Variants in CTNNA2 observed in about 807,000 individuals in gnomAD.
The protein encoded by CTNNA2 is catenin alpha-2.
Under a neutral mutation model 101.0 loss-of-function variants are expected in CTNNA2, and 42 were observed. The observed-to-expected ratio is 0.42, with a 90% CI of 0.32 to 0.54. The LOEUF (loss-of-function observed/expected upper bound fraction) is 0.54. Ranked by LOEUF, CTNNA2 falls within the 20% of genes least tolerant of loss-of-function variation. The pLI, the probability that CTNNA2 is intolerant of heterozygous loss-of-function variation, is 0.14. For missense variants in CTNNA2, 871 were observed against 1,223.1 expected (o/e 0.71, Z 4.29); for synonymous variants, 450 against 456.4 (o/e 0.99, Z 0.18).
In CTNNA2 at chr2:79,529,295, G is replaced by T. The variant is rs1348898340; in HGVS notation, c.-6+16088G>T. 2.0e-5 allele frequency among the ~76,000 whole-genome samples: 3 copies of T among 152,140 alleles called. No individual in the cohort carries two copies. In the East Asian group the frequency reaches 5.8e-4, roughly 29 times the overall value. ...TCTGAATGTGAGATTCAGGACAAAG[G>T]CAAAGACAAGGCTAACCGTGAACGT... On this transcript the variant is annotated intron_variant, in intron 1 of 18. Coordinates refer to ENST00000402739, the MANE Select transcript of CTNNA2 (RefSeq NM_001282597.3).
rs76112891 is a variant in CTNNA2 at position 79,322,429 on chromosome 2, G to T, written c.-318+9633G>T. 2.6e-3 allele frequency among the ~76,000 whole-genome samples: 391 copies of T among 152,286 alleles called. 9 individuals carry two copies. In the East Asian group the frequency reaches 0.062, roughly 24 times the overall value. On this transcript the variant is annotated intron_variant, in intron 3 of 21. Transcript: ENST00000466387. ...TATTAGCAAGGAACCATTTGGAAAG[G>T]ATTTTTCCTGAATACTTTCTCACAT...
At chr2:79,215,596 G>A (rs1033345352) in intron 2 of CTNNA2, among the ~76,000 whole-genome samples, 2 of 152,132 alleles carry the variant, frequency 1.3e-5, no homozygotes, top group African/African-American at 2.4e-5. Context: ...GTCTAGGGCT[G>A]TAAAGTGTCT....
intron 4 of CTNNA2, among the ~76,000 whole-genome samples, chr2:79,376,055 G>A (rs938738817): frequency 6.6e-6 from 1 of 152,176 alleles, no homozygotes. Flanking sequence ...GAAGTCATAA[G>A]GGATAGTCAA....
intron 7 of CTNNA2, among the ~76,000 whole-genome samples, chr2:80,079,121 G>A (rs1337712449): frequency 2.0e-5 from 3 of 152,140 alleles, no homozygotes; most frequent in African/African-American, 4.8e-5. Context: ...GCTAGCTGGC[G>A]TGATGGATTG....
chr2:79,571,440 A>G (rs1333375923), intron 1 of CTNNA2, among the ~76,000 whole-genome samples: 3 of 152,176 alleles, frequency 2.0e-5, no homozygotes, highest in Non-Finnish European at 4.4e-5. Flanking sequence ...GACAGGGAGC[A>G]TCCTAAGTCC....
intron 7 of CTNNA2, among the ~76,000 whole-genome samples, chr2:79,958,535 G>T (rs1336326821): frequency 2.6e-5 from 4 of 152,132 alleles, no homozygotes; most frequent in African/African-American, 9.7e-5. Context: ...CATGAGCCAA[G>T]AAATGTTAGA....
intron 1 of CTNNA2, among the ~76,000 whole-genome samples, chr2:79,574,617 A>T (rs1418518493): frequency 6.6e-6 from 1 of 152,102 alleles, no homozygotes; most frequent in African/African-American, 2.4e-5. Context: ...CCAGTCTGTC[A>T]TTGGTGGGCA....
chr2:80,262,831 A>G lies in CTNNA2; in HGVS notation c.1057-130380A>G, dbSNP rs190268174. The stretch of plus-strand genomic sequence containing the variant: ...ACATGTCCTCAGCTTCCATCTCCAG[A>G]AGGTTCTTAAGAACTAAAAATCAGG... On this transcript the variant is annotated intron_variant, in intron 7 of 18. Coordinates refer to ENST00000402739, the MANE Select transcript of CTNNA2 (RefSeq NM_001282597.3). Among the ~76,000 whole-genome samples the G allele has an allele frequency of 1.4e-3, 211 of 152,268 alleles. 1 individual carries two copies. The highest frequency in any genetic ancestry group is 4.8e-3 in the African/African-American group (200 of 41,542).
intron 9 of CTNNA2, among the ~76,000 whole-genome samples, chr2:80,525,903 T>C (rs1219680697): frequency 1.3e-5 from 2 of 152,204 alleles, no homozygotes; most frequent in African/African-American, 4.8e-5. Flanking sequence ...ACTTATTAGC[T>C]GTATGATCTG....
intron 18 of CTNNA2, among the ~76,000 whole-genome samples, chr2:80,631,027 AT>A (rs1304713483): frequency 1.3e-5 from 2 of 152,162 alleles, no homozygotes; most frequent in Admixed American, 6.5e-5. Context: ...TAATTGAAGA[AT>A]TTTTCCTGGC....
chr2:79,612,712 T>G (rs895749630), intron 1 of CTNNA2, among the ~76,000 whole-genome samples: 2 of 152,142 alleles, frequency 1.3e-5, no homozygotes, highest in Non-Finnish European at 2.9e-5. Flanking sequence ...ACTTGATTTT[T>G]ACAACATAAT....
At chr2:79,858,541 A>G (rs1221880235) in intron 4 of CTNNA2, among the ~76,000 whole-genome samples, 1 of 152,100 alleles carries the variant, frequency 6.6e-6, no homozygotes, top group Admixed American at 6.6e-5. Context: ...GTGATAGTTC[A>G]GGTTGGGGTC....
At chr2:80,495,014 G>C (rs562284801) in intron 9 of CTNNA2, among the ~76,000 whole-genome samples, 1 of 152,168 alleles carries the variant, frequency 6.6e-6, no homozygotes, top group African/African-American at 2.4e-5. Flanking sequence ...AGCATGAACT[G>C]TGGTGGCTCC....
intron 7 of CTNNA2, among the ~76,000 whole-genome samples, chr2:79,988,484 G>C (rs1227328425): frequency 6.6e-6 from 1 of 151,490 alleles, no homozygotes; most frequent in Non-Finnish European, 1.5e-5. Context: ...GTGTGTGTGT[G>C]TGTGTGTGTG....
At chr2:80,226,893 G>A (rs1221804664) in intron 7 of CTNNA2, among the ~76,000 whole-genome samples, 2 of 151,998 alleles carry the variant, frequency 1.3e-5, no homozygotes, top group African/African-American at 4.8e-5. Context: ...GCCCTGCCCC[G>A]AGTGTCACCC....
At chr2:80,132,730 T>G (rs1702480091) in intron 7 of CTNNA2, among the ~76,000 whole-genome samples, 1 of 152,114 alleles carries the variant, frequency 6.6e-6, no homozygotes, top group South Asian at 2.1e-4. Flanking sequence ...TTGTTGAGGT[T>G]GAGTCACAGG....
chr2:79,811,837 A>T (rs1337793371), intron 3 of CTNNA2, among the ~76,000 whole-genome samples: 1 of 152,180 alleles, frequency 6.6e-6, no homozygotes, highest in Non-Finnish European at 1.5e-5. Flanking sequence ...CCTTAACATT[A>T]TTAAAACTCC....
chr2:79,768,512 C>T (rs1673331488), intron 3 of CTNNA2, among the ~76,000 whole-genome samples: 1 of 151,666 alleles, frequency 6.6e-6, no homozygotes, highest in Non-Finnish European at 1.5e-5. Context: ...CACCATCTTG[C>T]TCTGCCTCCT....
In CTNNA2 at chr2:79,858,192, A is replaced by G; in HGVS notation, c.465+13A>G. The G allele has an allele frequency of 6.3e-7, 1 of 1,594,062 alleles. No homozygotes were observed. The highest frequency in any genetic ancestry group is 8.6e-7 in the Non-Finnish European group (1 of 1,162,970). ...CCATCTGAAAATTGTACGTATGTAG[A>G]ACTTATCAAAACTTTCTTTATGTGA... On this transcript the variant is annotated intron_variant, in intron 4 of 18. Transcript: ENST00000402739.
Sources: gnomAD v4.1 joint callset for allele counts (sites outside exome capture counted in the v4.1 genomes callset) on GRCh38, gnomAD v4.1.1 for gene constraint, MANE v1.5 for transcripts, NCBI Gene and HGNC (gene_info 2026-07-23, HGNC 2026-07-21) for gene names.